ATAD3B: variants seen among roughly 807,000 people sequenced by gnomAD.
The protein encoded by ATAD3B is ATPase family AAA domain-containing protein 3B.
ATAD3B carries 59 observed loss-of-function variants against 70.2 expected under a neutral mutation model. That is an observed-to-expected ratio of 0.84 (90% CI 0.68 to 1.04). The LOEUF (loss-of-function observed/expected upper bound fraction) is 1.04. Ranked by LOEUF, ATAD3B falls within the 50% of genes least tolerant of loss-of-function variation. The probability of loss-of-function intolerance (pLI) is 0.00; values close to 1 mark genes in which losing one functional copy is unlikely to be tolerated. For missense variants in ATAD3B, 961 were observed against 913.4 expected, an observed-to-expected ratio of 1.05 and a Z score of -0.67; for synonymous variants, 423 against 388.6, an observed-to-expected ratio of 1.09 and a Z score of -1.04.
intron 4 of ATAD3B, among the ~76,000 whole-genome samples, chr1:1,479,687 GCA>G (rs1229163514): frequency 7.4e-6 from 1 of 135,622 alleles, no homozygotes; most frequent in African/African-American, 2.9e-5. Flanking sequence ...GGGTCCTCAG[GCA>G]CACACTCCCG....
intron 7 of ATAD3B, chr1:1,484,716 C>A: frequency 5.3e-6 from 3 of 568,428 alleles, no homozygotes; most frequent in Admixed American, 3.6e-5. Context: ...AGGGTGTGGC[C>A]CTGTGACATC....
chr1:1,495,837 A>C lies in ATAD3B; in HGVS notation c.*20A>C. ...TTGTAGGCACTGGCTAGGGAGGGGC[A>C]GGCCTCCTTCCTGCCCCTCGAGACA... On this transcript the variant is annotated 3_prime_UTR_variant, in exon 16 of 16. Transcript: ENST00000673477. 6.5e-7 allele frequency: 1 copy of C among 1,529,696 alleles called. No homozygotes were observed. Among genetic ancestry groups the C allele is most frequent in the South Asian group, 1.3e-5 (1 of 79,870 alleles). The allele number at this position is 1,529,696 out of a possible 1,614,324, so 94.8% of individuals were successfully genotyped here.
chr1:1,508,543 C>T, the ATAD3B span, among the ~76,000 whole-genome samples: 1 of 151,426 alleles, frequency 6.6e-6, no homozygotes, highest in Non-Finnish European at 1.5e-5. Context: ...GGGGTCCCCA[C>T]ACCCTGACCC....
chr1:1,492,939 CAA>C (rs113321433), intron 15 of ATAD3B, among the ~76,000 whole-genome samples: 20 of 126,696 alleles, frequency 1.6e-4, no homozygotes, highest in Non-Finnish European at 1.4e-4. Context: ...ACTCCATCTC[CAA>C]AAAAAAAAAA....
At chr1:1,489,611 T>G (rs561926574) in intron 13 of ATAD3B, 2 of 1,272,602 alleles carry the variant, frequency 1.6e-6, no homozygotes, top group East Asian at 3.8e-5. Flanking sequence ...CCCAGTAGGG[T>G]GACCGGCCCT....
chr1:1,472,628 A>C (rs1345128063), intron 1 of ATAD3B, among the ~76,000 whole-genome samples: 2 of 152,016 alleles, frequency 1.3e-5, no homozygotes, highest in East Asian at 3.8e-4. Flanking sequence ...AGCTTGAGTA[A>C]ACCCCTGACC....
chr1:1,496,285 A>T lies in ATAD3B; in HGVS notation c.*468A>T. ...CTCCTGGGGTCAAAGGTGACATAAG[A>T]GGCAGAGGCTGGAGCTTTCTGGAGA... is the stretch of plus-strand genomic sequence containing the variant. On this transcript the variant is annotated 3_prime_UTR_variant, in exon 16 of 16. Coordinates refer to ENST00000673477, the MANE Select transcript of ATAD3B (RefSeq NM_031921.6). The T allele has an allele frequency of 1.0e-6, 1 of 968,288 alleles. No individual in the cohort carries two copies. Among genetic ancestry groups the T allele is most frequent in the South Asian group, 4.8e-5 (1 of 21,002 alleles). The allele number at this position is 968,288 out of a possible 1,614,324, so 60.0% of individuals were successfully genotyped here. A position where few individuals can be genotyped will look rare whatever the true frequency, so the allele number is the denominator to read the frequency against.
downstream of ATAD3B, among the ~76,000 whole-genome samples, chr1:1,498,150 G>C (rs1751474): frequency 3.7e-4 from 55 of 147,600 alleles, no homozygotes; most frequent in African/African-American, 1.2e-3. Context: ...TTAAAAATAC[G>C]AAAGTTAGCC....
chr1:1,479,481 C>G lies in ATAD3B; in HGVS notation c.444+373C>G, dbSNP rs1317320448. ...GGGCCCACACACACACACCCCTGTG[C>G]GCACACACCCCTACACAGGGGCATG... On this transcript the variant is annotated intron_variant, in intron 4 of 15. Transcript: ENST00000673477. Among the ~76,000 whole-genome samples the G allele has an allele frequency of 3.5e-5, 5 of 142,952 alleles. 1 individual carries two copies. Among genetic ancestry groups the G allele is most frequent in the African/African-American group, 5.3e-5 (2 of 37,708 alleles). The allele number at this position is 142,952 out of a possible 152,430, so 93.8% of individuals were successfully genotyped here.
chr1:1,499,884 G>A (rs150834979), downstream of ATAD3B, among the ~76,000 whole-genome samples: 2,604 of 150,006 alleles, frequency 0.017, 73 homozygotes, highest in African/African-American at 0.056. Context: ...GTGAGCCACC[G>A]TGCCCAGCCT....
In ATAD3B at chr1:1,477,370, G is replaced by C. The variant is rs565338941; in HGVS notation, c.282+20G>C. 2.1e-5 allele frequency: 34 copies of C among 1,611,916 alleles called. No homozygotes were observed. In the South Asian group the frequency reaches 3.4e-4, roughly 16 times the overall value. On this transcript the variant is annotated intron_variant, in intron 2 of 15. Transcript: ENST00000673477. ...CTCAAAGTGAGTGGGGCCGGTGTGG[G>C]CGAGGAGGCCGGGGCGCACATGGGG... is the stretch of plus-strand genomic sequence containing the variant.
the ATAD3B span, among the ~76,000 whole-genome samples, chr1:1,505,069 C>CG: frequency 6.6e-6 from 1 of 152,114 alleles, no homozygotes; most frequent in Non-Finnish European, 1.5e-5. Context: ...CAGCTGGGCC[C>CG]GGGGAACCAC....
chr1:1,491,452 C>T (rs1021003938), intron 15 of ATAD3B, among the ~76,000 whole-genome samples: 1 of 151,842 alleles, frequency 6.6e-6, no homozygotes, highest in Non-Finnish European at 1.5e-5. Context: ...AATTGCTTGA[C>T]CCGGGGAGTT....
rs375745096 is a variant in ATAD3B, at chr1:1,486,095, C to G, written c.964-15C>G. ...GTGCAGAGTGTCTCCCCCAAACCCC[C>G]GTCTTCCCCGGCAGCCCAGCCTGGA... On this transcript the variant is annotated splice_polypyrimidine_tract_variant and intron_variant, in intron 9 of 15. Coordinates refer to ENST00000673477, the MANE Select transcript of ATAD3B (RefSeq NM_031921.6). 5 of 1,612,938 alleles carry G rather than the reference C, an allele frequency of 3.1e-6. No homozygotes were observed. The South Asian group carries it at 3.3e-5, about 11-fold the overall frequency.
At position 1,490,617 on chromosome 1, in the gene ATAD3B, G is replaced by A. The variant is rs752878020; in HGVS notation, c.1560G>A (p.Arg520=). 1.1e-5 allele frequency: 17 copies of A among 1,608,118 alleles called. 1 individual carries two copies. Among genetic ancestry groups the A allele is most frequent in the Admixed American group, 1.7e-5 (1 of 58,816 alleles). Residue 520 remains arginine (R), a synonymous_variant, in exon 15 of 16, where the codon CGG becomes CGA. Transcript: ENST00000673477. Reference sequence around the variant, plus strand: ...GGAGGAAGTGCTCGGAGGTCGCTCGGCTGACGGAGGGCATGTCGGGCCGGG... The same window carrying A: ...GGAGGAAGTGCTCGGAGGTCGCTCGACTGACGGAGGGCATGTCGGGCCGGG... ...DYGRKCSEVA[R]LTEGMSGREI...
At position 1,489,793 on chromosome 1, in the gene ATAD3B, C is replaced by T. The variant is rs576213078; in HGVS notation, c.1338-464C>T. On this transcript the variant is annotated intron_variant, in intron 13 of 15. Coordinates refer to ENST00000673477, the MANE Select transcript of ATAD3B (RefSeq NM_031921.6). ...GGGTCAGCTGCTGCCGTTCGACGCT[C>T]CCTGGAGCCCTGACTCAGGTCCTTC... 9.3e-6 allele frequency: 12 copies of T among 1,286,126 alleles called. No homozygotes were observed. In the African/African-American group the frequency reaches 1.7e-4, roughly 18 times the overall value. 79.7% of individuals were successfully genotyped at this position (1,286,126 alleles called of 1,614,324 possible).
At chr1:1,501,623 T>G (rs962169952), downstream of ATAD3B, among the ~76,000 whole-genome samples, 1 of 152,004 alleles carries the variant, frequency 6.6e-6, no homozygotes, top group Non-Finnish European at 1.5e-5. Flanking sequence ...ACTCCTGACC[T>G]CAGATGATGC....
At chr1:1,495,410 C>T in intron 15 of ATAD3B, 75 bp from the exon 16 acceptor site, 1 of 1,522,698 alleles carries the variant, frequency 6.6e-7, no homozygotes, top group Non-Finnish European at 8.8e-7. Context: ...CCCCTCCCCA[C>T]CTCGGGGCCC....
intron 2 of ATAD3B, among the ~76,000 whole-genome samples, chr1:1,477,752 C>A (rs1486046509): frequency 6.6e-6 from 1 of 151,556 alleles, no homozygotes; most frequent in Non-Finnish European, 1.5e-5. Flanking sequence ...CTTGCCTAGG[C>A]TGGAGTGCAA....
Sources: allele counts gnomAD v4.1 joint callset (sites outside exome capture counted in the v4.1 genomes callset), GRCh38; gene constraint gnomAD v4.1.1; transcripts MANE v1.5; gene names NCBI Gene and HGNC (gene_info 2026-07-23, HGNC 2026-07-21).